ASCC3: variants seen among roughly 807,000 people sequenced by gnomAD.
The protein encoded by ASCC3 is ASC-1 complex subunit P200.
In ASCC3, 158 loss-of-function variants were observed where a neutral mutation model predicts 256.3. The ratio of observed to expected loss-of-function variants is 0.62; its 90% CI spans 0.54 to 0.70. The LOEUF is 0.70. Among genes scored for constraint, ASCC3 ranks in the 30% least tolerant of loss-of-function variants. The pLI is 0.00. For synonymous variants in ASCC3, 948 were observed against 883.4 expected, an observed-to-expected ratio of 1.07 and a Z score of -1.30; for missense variants, 2,259 against 2,626.0, an observed-to-expected ratio of 0.86 and a Z score of 3.05.
chr6:100,810,305 C>T (rs1438366523), intron 4 of ASCC3, among the ~76,000 whole-genome samples: 1 of 152,120 alleles, frequency 6.6e-6, no homozygotes, highest in African/African-American at 2.4e-5. Context: ...AAATCTAGCT[C>T]AAATAATAAC....
At chr6:100,867,543 T>C (rs1324002419) in intron 2 of ASCC3, among the ~76,000 whole-genome samples, 2 of 152,112 alleles carry the variant, frequency 1.3e-5, no homozygotes, top group African/African-American at 2.4e-5. Context: ...ATAAGAATTT[T>C]ACCAGAGACC....
In ASCC3 at chr6:100,532,975, T is replaced by C. The variant is rs546598306; in HGVS notation, c.5775+7188A>G. 4.6e-5 allele frequency among the ~76,000 whole-genome samples: 7 copies of C among 152,282 alleles called. No homozygotes were observed. The East Asian group carries it at 1.3e-3, about 29-fold the overall frequency. On this transcript the variant is annotated intron_variant, in intron 37 of 41. Coordinates refer to ENST00000369162, the MANE Select transcript of ASCC3 (RefSeq NM_006828.4). ...TTATGAAACACTTTTAAAAGATACA[T>C]ATATCTCTATACATATGTACTGTTT...
In ASCC3 at chr6:100,611,866, T is replaced by TA. The variant is rs34931211; in HGVS notation, c.4786-4779dup. On this transcript the variant is annotated intron_variant, in intron 30 of 41. Coordinates refer to ENST00000369162, the MANE Select transcript of ASCC3 (RefSeq NM_006828.4). ...TTGTTAAGAAGAGTTGCTATAGAATTAAAAAAAAAAACCATGATAAATGAA... is the reference window on the plus strand; with the variant it reads ...TTGTTAAGAAGAGTTGCTATAGAATTAAAAAAAAAAAACCATGATAAATGAA... 6.4e-4 allele frequency among the ~76,000 whole-genome samples: 96 copies of TA among 148,958 alleles called. 1 individual carries two copies. Among genetic ancestry groups the TA allele is most frequent in the African/African-American group, 1.3e-3 (53 of 40,632 alleles).
In ASCC3 at chr6:100,606,945, A is replaced by G; in HGVS notation, c.4923+6T>C. On this transcript the variant is annotated splice_donor_region_variant and intron_variant, in intron 31 of 41. Coordinates refer to ENST00000369162, the MANE Select transcript of ASCC3 (RefSeq NM_006828.4). ...AAATATGTGTTCACTGGAGAAAAAA[A>G]AGTACCTGAACTTTACAGTTTACAA... 1 of 1,613,256 alleles carries G rather than the reference A, an allele frequency of 6.2e-7. No homozygotes were observed. Among genetic ancestry groups the G allele is most frequent in the Non-Finnish European group, 8.5e-7 (1 of 1,179,586 alleles).
intron 36 of ASCC3, among the ~76,000 whole-genome samples, chr6:100,571,425 A>C (rs1243490806): frequency 1.3e-5 from 2 of 152,170 alleles, no homozygotes; most frequent in Non-Finnish European, 2.9e-5. Flanking sequence ...TTCACCTGAA[A>C]TTACATGTGT....
chr6:100,535,555 C>T (rs1462242101), intron 37 of ASCC3, among the ~76,000 whole-genome samples: 4 of 150,080 alleles, frequency 2.7e-5, no homozygotes, highest in Non-Finnish European at 5.9e-5. Flanking sequence ...CTGCAACCTC[C>T]GCCTCCCCGG....
At chr6:100,573,809 T>C (rs1397250798) in intron 36 of ASCC3, among the ~76,000 whole-genome samples, 1 of 152,176 alleles carries the variant, frequency 6.6e-6, no homozygotes, top group Non-Finnish European at 1.5e-5. Context: ...TAAAATACCA[T>C]GGAAGTTTTA....
At chr6:100,802,941 G>C (rs930192078) in intron 5 of ASCC3, among the ~76,000 whole-genome samples, 1 of 152,010 alleles carries the variant, frequency 6.6e-6, no homozygotes, top group African/African-American at 2.4e-5. Context: ...ACAGAAAGTT[G>C]AGGCTGCAGT....
rs1440422814 is a variant in ASCC3, at chr6:100,718,244, G to A, written c.1910C>T (p.Ser637Phe). ...GAGAATCCTTATCATACTCTGTGTG[G>A]ATTCCACCTATATGGATTATTTTAA... ...IVARTLRQVE[S>F]TQSMIRILGL... is the part of the protein sequence containing the mutation. Residue 637 changes from serine (S) to phenylalanine (F), a missense_variant, in exon 12 of 42, where the codon TCC becomes TTC. Ser to Phe is a radical substitution (Grantham distance 155). This residue lies in a region of ASCC3 where 1,839 missense variants were observed against 2,206.7 expected (regional missense o/e 0.83). Coordinates refer to ENST00000369162, the MANE Select transcript of ASCC3 (RefSeq NM_006828.4). 1 of 1,606,626 alleles carries A rather than the reference G, an allele frequency of 6.2e-7. No homozygotes were observed. The highest frequency in any genetic ancestry group is 1.7e-5 in the Admixed American group (1 of 59,548).
chr6:100,646,961 T>C (rs1193398238), intron 21 of ASCC3, among the ~76,000 whole-genome samples, 192 bp from the exon 22 acceptor site: 2 of 152,194 alleles, frequency 1.3e-5, no homozygotes, highest in Admixed American at 6.5e-5. Flanking sequence ...CAATTCACAG[T>C]TTTTAAAGTC....
chr6:100,619,522 A>G (rs888332991), intron 30 of ASCC3, among the ~76,000 whole-genome samples: 4 of 152,304 alleles, frequency 2.6e-5, no homozygotes, highest in South Asian at 4.1e-4. Context: ...GCAATTTTCA[A>G]TCTATCAAGA....
chr6:100,797,722 C>T (rs1371765466), intron 8 of ASCC3, among the ~76,000 whole-genome samples: 4 of 151,866 alleles, frequency 2.6e-5, no homozygotes, highest in African/African-American at 7.3e-5. Flanking sequence ...TAGCGAGGCA[C>T]TTGGATTATA....
chr6:100,666,934 A>C (rs138010896), intron 14 of ASCC3, among the ~76,000 whole-genome samples: 1 of 152,328 alleles, frequency 6.6e-6, no homozygotes, highest in Admixed American at 6.5e-5. Context: ...CTAGGAATTC[A>C]AAGAAATTTA....
At chr6:100,576,019 C>G (rs1309165597) in intron 36 of ASCC3, among the ~76,000 whole-genome samples, 2 of 152,104 alleles carry the variant, frequency 1.3e-5, no homozygotes, top group East Asian at 3.9e-4. Flanking sequence ...CCTTTTCCCT[C>G]AGGATTTTTA....
chr6:100,605,470 C>T, intron 33 of ASCC3, 98 bp downstream of exon 33: 1 of 846,368 alleles, frequency 1.2e-6, no homozygotes. Context: ...TTCTTCTAAG[C>T]TACCTGTTTT....
At chr6:100,697,548 A>AG (rs1450812900) in intron 13 of ASCC3, among the ~76,000 whole-genome samples, 1 of 151,702 alleles carries the variant, frequency 6.6e-6, no homozygotes, top group African/African-American at 2.4e-5. Flanking sequence ...ACTGTATTAA[A>AG]AAAAAAAACA....
chr6:100,664,273 A>G (rs1015246493), intron 14 of ASCC3, among the ~76,000 whole-genome samples: 1 of 152,078 alleles, frequency 6.6e-6, no homozygotes, highest in Admixed American at 6.6e-5. Flanking sequence ...AATGGCAGGG[A>G]GTAAGATTTC....
intron 13 of ASCC3, among the ~76,000 whole-genome samples, chr6:100,711,875 A>G (rs928379598): frequency 9.9e-5 from 15 of 152,254 alleles, no homozygotes; most frequent in Non-Finnish European, 2.9e-5. Flanking sequence ...AGCCAACACA[A>G]TATTGCAAGA....
chr6:100,729,611 C>T (rs1779804993), intron 10 of ASCC3, among the ~76,000 whole-genome samples: 1 of 152,096 alleles, frequency 6.6e-6, no homozygotes, highest in Non-Finnish European at 1.5e-5. Context: ...GTATGTTTAA[C>T]TCATCTTGTT....
Sources: allele counts gnomAD v4.1 joint callset (sites outside exome capture counted in the v4.1 genomes callset), GRCh38; gene constraint gnomAD v4.1.1; regional missense constraint gnomAD v4.1.1; transcripts MANE v1.5; gene names NCBI Gene and HGNC (gene_info 2026-07-23, HGNC 2026-07-21).